MKI67: variants seen among roughly 807,000 people sequenced by gnomAD.
MKI67 encodes marker of proliferation Ki-67.
MKI67 carries 152 observed loss-of-function variants against 233.5 expected under a neutral mutation model. That is an observed-to-expected ratio of 0.65 (90% CI 0.57 to 0.74). The LOEUF (loss-of-function observed/expected upper bound fraction) is 0.74, where lower values mean the gene tolerates loss of function less well. Among genes scored for constraint, MKI67 ranks in the 30% least tolerant of loss-of-function variants. MKI67 has a pLI of 0.00. For missense variants in MKI67, 3,940 were observed against 3,885.2 expected (o/e 1.01, Z -0.37); for synonymous variants, 1,465 against 1,418.5 (o/e 1.03, Z -0.74).
At position 128,112,363 on chromosome 10, in the gene MKI67, G is replaced by A. The variant is rs753528221; in HGVS notation, c.1739C>T (p.Pro580Leu). 1 of 1,614,146 alleles carries A rather than the reference G, an allele frequency of 6.2e-7. No individual in the cohort carries two copies. Reference sequence around the variant, plus strand: ...AGTTTTCCTAGGACTAGGAGCTGGAGGGCTTATAACCAAGCTTTGTGCCTT... The same window carrying A: ...AGTTTTCCTAGGACTAGGAGCTGGAAGGCTTATAACCAAGCTTTGTGCCTT... ...EVKAQSLVISPPAPSPRKTPV... is the reference protein window; with the variant it reads ...EVKAQSLVISLPAPSPRKTPV... Residue 580 changes from proline to leucine, a missense_variant, in exon 9 of 15, where the codon CCT becomes CTT. By Grantham distance (98) the Pro-to-Leu change is moderately conservative (BLOSUM62 -3). Transcript: ENST00000368654.
chr10:128,112,091 A>T (rs749073494), intron 9 of MKI67, 42 bp downstream of exon 9: 1 of 1,606,278 alleles, frequency 6.2e-7, no homozygotes, highest in Non-Finnish European at 8.5e-7. Context: ...AGCATTCATG[A>T]AAAAATTCAC....
rs773399451 is a variant in MKI67, at chr10:128,099,197, T to C, written c.9764A>G (p.Asp3255Gly). ...IRTRSHRDSE[D>G]I is the part of the protein sequence containing the mutation. ...CCCAGTTCGATTTTTCTGTCAAATATCTTCACTGTCCCTATGACTTCTGGT... is the reference window on the plus strand; with the variant it reads ...CCCAGTTCGATTTTTCTGTCAAATACCTTCACTGTCCCTATGACTTCTGGT... Residue 3255 changes from aspartate to glycine, a missense_variant, in exon 15 of 15, where the codon GAT becomes GGT. Asp to Gly is a moderately conservative substitution (Grantham distance 94). Coordinates refer to ENST00000368654, the MANE Select transcript of MKI67 (RefSeq NM_002417.5). 6 of 1,611,256 alleles carry C rather than the reference T, an allele frequency of 3.7e-6. No individual in the cohort carries two copies. In the African/African-American group the frequency reaches 8.0e-5, roughly 22 times the overall value.
In MKI67 at chr10:128,106,638, T is replaced by C. The variant is rs960383762; in HGVS notation, c.5202A>G (p.Lys1734=). Residue 1734 remains lysine (K), a synonymous_variant, in exon 13 of 15, where the codon AAA becomes AAG. Coordinates refer to ENST00000368654, the MANE Select transcript of MKI67 (RefSeq NM_002417.5). ...CTGGCTGTGAAGCTCTGTAGGATAC[T>C]TTGGTAGTTTTTTCGTTAGTCATTG... The part of the protein sequence containing the change: ...KESMTNEKTT[K]VSYRASQPDL... The C allele has an allele frequency of 6.2e-7, 1 of 1,614,198 alleles. No individual in the cohort carries two copies. Among genetic ancestry groups the C allele is most frequent in the African/African-American group, 1.3e-5 (1 of 75,046 alleles).
chr10:128,108,321 G>A lies in MKI67; in HGVS notation c.3519C>T (p.Ala1173=). 6.2e-7 allele frequency: 1 copy of A among 1,614,026 alleles called. No individual in the cohort carries two copies. Among genetic ancestry groups the A allele is most frequent in the Non-Finnish European group, 8.5e-7 (1 of 1,180,010 alleles). Reference sequence around the variant, plus strand: ...CTCCTGCTGGTTTGGGCGTAAGCATGGCTTTCCCTGCTGATGGTGTTAGTT... The same window carrying A: ...CTCCTGCTGGTTTGGGCGTAAGCATAGCTTTCCCTGCTGATGGTGTTAGTT... The part of the protein sequence containing the change: ...LRKLTPSAGK[A]MLTPKPAGGD... The change falls in exon 13 of 15, where the codon GCC becomes GCT. Residue 1173 remains alanine, a synonymous_variant. Transcript: ENST00000368654.
Position 128,107,493 on chromosome 10 carries a change from A to G in MKI67, c.4347T>C (p.Thr1449=). The G allele has an allele frequency of 6.2e-7, 1 of 1,612,626 alleles. No homozygotes were observed. The part of the protein sequence containing the change: ...KQKLDPAASV[T]GSKRHPKTKE... Reference sequence around the variant, plus strand: ...TAGTTTTTGGGTGCCTCTTGCTACCAGTTACACTTGCTGCTGGGTCCAGTT... The same window carrying G: ...TAGTTTTTGGGTGCCTCTTGCTACCGGTTACACTTGCTGCTGGGTCCAGTT... The change falls in exon 13 of 15, where the codon ACT becomes ACC. Residue 1449 remains threonine (T), a synonymous_variant. Coordinates refer to ENST00000368654, the MANE Select transcript of MKI67 (RefSeq NM_002417.5).
chr10:128,117,265 T>C (rs76594830), intron 5 of MKI67, among the ~76,000 whole-genome samples: 3,327 of 152,336 alleles, frequency 0.022, 131 homozygotes, highest in East Asian at 0.16. Context: ...AAATGGGCCA[T>C]AGGACCTGTC....
intron 4 of MKI67, among the ~76,000 whole-genome samples, chr10:128,121,274 G>A (rs1259037288): frequency 1.3e-5 from 2 of 150,020 alleles, no homozygotes; most frequent in Non-Finnish European, 3.0e-5. Flanking sequence ...TAGAATAATA[G>A]TAGGGGAAAA....
At position 128,105,745 on chromosome 10, in the gene MKI67, G is replaced by C; in HGVS notation, c.6095C>G (p.Thr2032Arg). 6.2e-7 allele frequency: 1 copy of C among 1,614,086 alleles called. No individual in the cohort carries two copies. Reference sequence around the variant, plus strand: ...TTTGATGCTCTTTCCATCTCCTGCTGTCTCTCTGTGTGTCTGTGTGGTCTT... The same window carrying C: ...TTTGATGCTCTTTCCATCTCCTGCTCTCTCTCTGTGTGTCTGTGTGGTCTT... ...SGKTTQTHRE[T>R]AGDGKSIKAF... The change falls in exon 13 of 15, where the codon ACA (threonine) becomes AGA (arginine). Residue 2032 changes from threonine to arginine, a missense_variant. Transcript: ENST00000368654.
chr10:128,111,873 G>A, intron 10 of MKI67, 54 bp downstream of exon 10: 1 of 1,606,164 alleles, frequency 6.2e-7, no homozygotes. Flanking sequence ...CACACTGAAT[G>A]CAAGCTTCGA....
At chr10:128,122,728 AT>A (rs1235242003) in intron 4 of MKI67, among the ~76,000 whole-genome samples, 152 bp downstream of exon 4, 2 of 152,220 alleles carry the variant, frequency 1.3e-5, no homozygotes, top group Non-Finnish European at 2.9e-5. Flanking sequence ...TCCTAGATCC[AT>A]ATCCTTTTAA....
Position 128,103,511 on chromosome 10 carries a change from C to G in MKI67, c.8329G>C (p.Ala2777Pro). ...KESAKQTPAP[A>P]ASVTGSRRRP... ...CTCCTGCTGCCAGTTACACTTGCTG[C>G]TGGAGCCGGTGTCTGTTTTGCAGAT... The change falls in exon 13 of 15, where the codon GCA (alanine) becomes CCA (proline). Residue 2777 changes from alanine to proline, a missense_variant. Physicochemically the swap from Ala to Pro is conservative, Grantham distance 27. Coordinates refer to ENST00000368654, the MANE Select transcript of MKI67 (RefSeq NM_002417.5). The G allele has an allele frequency of 6.2e-7, 1 of 1,613,142 alleles. No individual in the cohort carries two copies. The highest frequency in any genetic ancestry group is 8.5e-7 in the Non-Finnish European group (1 of 1,179,766).
chr10:128,115,677 AC>A lies in MKI67; in HGVS notation c.730del (p.Val244Ter). 1 of 1,613,708 alleles carries A rather than the reference AC, an allele frequency of 6.2e-7. No homozygotes were observed. Reference sequence around the variant, plus strand: ...TGATTTTACATCCAACTCTTTCTTCACTGACTCATAAAGCTTCCAAAAGGGA... The same window carrying A: ...TGATTTTACATCCAACTCTTTCTTCATGACTCATAAAGCTTCCAAAAGGGA... Reference protein sequence around the residue: ...ESPFWKLYESVKKELDVKSQK... With the variant: ...ESPFWKLYESXKKELDVKSQK... On this transcript the variant is annotated frameshift_variant, in exon 7 of 15. Coordinates refer to ENST00000368654, the MANE Select transcript of MKI67 (RefSeq NM_002417.5). LOFTEE classifies it high-confidence loss of function.
At chr10:128,099,333 C>G in intron 14 of MKI67, 78 bp from the exon 15 acceptor site, 1 of 1,132,740 alleles carries the variant, frequency 8.8e-7, no homozygotes, top group South Asian at 1.4e-5. Flanking sequence ...CTGCAAAACC[C>G]CAAAGGCTTA....
In MKI67 at chr10:128,125,460, C is replaced by T. The variant is rs1853034918; in HGVS notation, c.92+116G>A. 1 of 802,424 alleles carries T rather than the reference C, an allele frequency of 1.2e-6. No homozygotes were observed. Among genetic ancestry groups the T allele is most frequent in the East Asian group, 2.4e-5 (1 of 40,926 alleles). 49.7% of individuals were successfully genotyped at this position (802,424 alleles called of 1,614,324 possible). A position where few individuals can be genotyped will look rare whatever the true frequency, so the allele number is the denominator to read the frequency against. Reference sequence around the variant, plus strand: ...AACTTAGTAACGAATGGGAGAAGCACCAAGGAAAAGTGACGGCAGGACCCA... The same window carrying T: ...AACTTAGTAACGAATGGGAGAAGCATCAAGGAAAAGTGACGGCAGGACCCA... On this transcript the variant is annotated intron_variant, in intron 2 of 14. Coordinates refer to ENST00000368654, the MANE Select transcript of MKI67 (RefSeq NM_002417.5). This position sits in a 1 kb window ranked among gnomAD's most constrained non-coding sequence, Gnocchi z 5.3.
At chr10:128,124,974 A>G (rs1043856515) in intron 2 of MKI67, among the ~76,000 whole-genome samples, 6 of 152,028 alleles carry the variant, frequency 3.9e-5, no homozygotes, top group African/African-American at 1.2e-4. Flanking sequence ...GGTCTGGGAA[A>G]TGACCACACG....
intron 2 of MKI67, 85 bp from the exon 3 acceptor site, chr10:128,123,254 C>T (rs754893547): frequency 2.3e-5 from 21 of 923,494 alleles, no homozygotes; most frequent in African/African-American, 3.3e-5. Flanking sequence ...CACAATTTGA[C>T]TAGAATGTTT....
Position 128,105,135 on chromosome 10 carries a change from G to A in MKI67, c.6705C>T (p.Phe2235=). Residue 2235 remains phenylalanine (F), a synonymous_variant, in exon 13 of 15, where the codon TTC becomes TTT. Transcript: ENST00000368654. ...QPDPVGTPTI[F]KPQSKRSLRK... ...TGAGACTTCTCTTGGACTGTGGCTT[G>A]AAGATTGTTGGGGTACCCACTGGGT... 6.2e-7 allele frequency: 1 copy of A among 1,612,270 alleles called. No individual in the cohort carries two copies. The highest frequency in any genetic ancestry group is 1.1e-5 in the South Asian group (1 of 90,974).
Position 128,106,007 on chromosome 10 carries a change from T to C in MKI67, c.5833A>G (p.Lys1945Glu). 1 of 1,614,172 alleles carries C rather than the reference T, an allele frequency of 6.2e-7. No individual in the cohort carries two copies. The change falls in exon 13 of 15, where the codon AAA becomes GAA. Residue 1945 changes from lysine to glutamate, a missense_variant. Coordinates refer to ENST00000368654, the MANE Select transcript of MKI67 (RefSeq NM_002417.5). ...PGSKRRPQTPKEKAKALEDLA... is the reference protein window; with the variant it reads ...PGSKRRPQTPEEKAKALEDLA... ...TCTTCTAGAGCCTTGGCCTTTTCTT[T>C]AGGAGTTTGTGGCCGTCTCTTGCTG...
intron 7 of MKI67, among the ~76,000 whole-genome samples, chr10:128,113,819 C>T (rs1852734687): frequency 6.6e-6 from 1 of 152,146 alleles, no homozygotes; most frequent in South Asian, 2.1e-4. Flanking sequence ...TGCCACTGGA[C>T]AGTACAGAGG....
Sources: gnomAD v4.1 joint callset for allele counts (sites outside exome capture counted in the v4.1 genomes callset) on GRCh38, gnomAD v4.1.1 for gene constraint, Gnocchi (gnomAD v3.1) non-coding constraint, MANE v1.5 for transcripts, NCBI Gene and HGNC (gene_info 2026-07-23, HGNC 2026-07-21) for gene names.